Variants in PRKG1 observed in about 807,000 individuals in gnomAD.
The protein encoded by PRKG1 is protein kinase cGMP-dependent 1.
Under a neutral mutation model 88.1 loss-of-function variants are expected in PRKG1, and 35 were observed. The observed-to-expected ratio is 0.40, with a 90% CI of 0.30 to 0.53. The LOEUF is 0.53. Among genes scored for constraint, PRKG1 ranks in the 20% least tolerant of loss-of-function variants. PRKG1 has a pLI of 0.59. For missense variants in PRKG1, 540 were observed against 839.8 expected (o/e 0.64, Z 4.41); for synonymous variants, 303 against 292.5 (o/e 1.04, Z -0.37).
At chr10:51,621,912 C>T in intron 3 of PRKG1, among the ~76,000 whole-genome samples, 1 of 152,158 alleles carries the variant, frequency 6.6e-6, no homozygotes, top group East Asian at 1.9e-4. Flanking sequence ...TAAACTTGGA[C>T]TCTTGATTCG....
chr10:51,047,165 G>C (rs540120629), intron 1 of PRKG1, among the ~76,000 whole-genome samples: 80 of 152,236 alleles, frequency 5.3e-4, no homozygotes, highest in African/African-American at 1.8e-3. Context: ...CCAAAGGTGA[G>C]AGCCTCAAGG....
At chr10:51,011,932 T>C (rs1449729230) in intron 1 of PRKG1, among the ~76,000 whole-genome samples, 1 of 152,108 alleles carries the variant, frequency 6.6e-6, no homozygotes, top group Admixed American at 6.5e-5. Flanking sequence ...GTGGTGGAAG[T>C]TGAAAGGCAT....
chr10:52,043,438 C>T (rs1845793960), intron 5 of PRKG1, among the ~76,000 whole-genome samples: 1 of 152,056 alleles, frequency 6.6e-6, no homozygotes, highest in Admixed American at 6.6e-5. Context: ...ATCTGGAGGA[C>T]ATTAAGTGAA....
chr10:51,679,793 T>C (rs1840801192), intron 3 of PRKG1, among the ~76,000 whole-genome samples: 1 of 143,404 alleles, frequency 7.0e-6, no homozygotes, highest in African/African-American at 2.6e-5. Flanking sequence ...TACATATGTA[T>C]TCATGTGCCA....
At chr10:51,029,305 A>G (rs529351172) in intron 1 of PRKG1, among the ~76,000 whole-genome samples, 10 of 152,322 alleles carry the variant, frequency 6.6e-5, no homozygotes, top group African/African-American at 2.4e-4. Flanking sequence ...AAATGAAGTC[A>G]TTATAACCAA....
chr10:51,444,821 T>C (rs892364671), intron 2 of PRKG1, among the ~76,000 whole-genome samples: 1 of 151,960 alleles, frequency 6.6e-6, no homozygotes, highest in African/African-American at 2.4e-5. Flanking sequence ...TTTGCCTTTT[T>C]CCACCCCAAA....
intron 3 of PRKG1, among the ~76,000 whole-genome samples, chr10:51,670,200 T>A (rs1840522888): frequency 6.6e-6 from 1 of 152,046 alleles, no homozygotes; most frequent in Non-Finnish European, 1.5e-5. Flanking sequence ...ATTACTTGGT[T>A]GGCCTATATT....
At chr10:51,907,013 T>G (rs1214021771) in intron 4 of PRKG1, among the ~76,000 whole-genome samples, 2 of 152,308 alleles carry the variant, frequency 1.3e-5, no homozygotes, top group Admixed American at 1.3e-4. Flanking sequence ...TTTCTATTTC[T>G]ATTTGAATGT....
intron 1 of PRKG1, among the ~76,000 whole-genome samples, chr10:51,034,810 G>A: frequency 6.6e-6 from 1 of 150,592 alleles, no homozygotes; most frequent in Admixed American, 6.7e-5. Context: ...TTTAGAAAAA[G>A]TTAGAAAACA....
chr10:51,712,540 CTCTG>C (rs897912624), intron 3 of PRKG1, among the ~76,000 whole-genome samples: 6 of 147,704 alleles, frequency 4.1e-5, no homozygotes, highest in African/African-American at 1.5e-4. Context: ...CATTATACAA[CTCTG>C]TCTTTTTTAT....
intron 7 of PRKG1, among the ~76,000 whole-genome samples, chr10:52,070,991 CA>C (rs1466050071): frequency 6.6e-6 from 1 of 152,106 alleles, no homozygotes; most frequent in Admixed American, 6.5e-5. Context: ...GTGCTTGCCA[CA>C]TAGGGTCAAG....
At chr10:51,829,661 A>C (rs1839957411) in intron 4 of PRKG1, among the ~76,000 whole-genome samples, 1 of 152,166 alleles carries the variant, frequency 6.6e-6, no homozygotes, top group African/African-American at 2.4e-5. Flanking sequence ...TTATTTTCTA[A>C]ATACACGTGA....
chr10:51,568,741 G>A (rs1369147345), intron 3 of PRKG1: 2 of 140,966 alleles, frequency 1.4e-5, no homozygotes, highest in African/African-American at 3.1e-5. Context: ...AATTCTAAAA[G>A]CATCATTACA....
At chr10:51,387,367 T>TA (rs1837278570) in intron 2 of PRKG1, among the ~76,000 whole-genome samples, 1 of 149,488 alleles carries the variant, frequency 6.7e-6, no homozygotes, top group Non-Finnish European at 1.5e-5. Context: ...ATATATGAAA[T>TA]TTAAATAAAC....
At chr10:51,415,407 CTT>C (rs1260607965) in intron 2 of PRKG1, among the ~76,000 whole-genome samples, 2 of 152,072 alleles carry the variant, frequency 1.3e-5, no homozygotes, top group Non-Finnish European at 2.9e-5. Context: ...TATTTGGTAT[CTT>C]TGCTGTTTCT....
chr10:52,014,010 T>G (rs1038962715), intron 5 of PRKG1, among the ~76,000 whole-genome samples: 1 of 152,034 alleles, frequency 6.6e-6, no homozygotes, highest in Non-Finnish European at 1.5e-5. Flanking sequence ...CCCAATTTTC[T>G]AAGGAAGAGA....
intron 2 of PRKG1, among the ~76,000 whole-genome samples, chr10:51,340,943 T>C (rs950041445): frequency 6.6e-6 from 1 of 152,290 alleles, no homozygotes; most frequent in African/African-American, 2.4e-5. Flanking sequence ...TAGACCTACA[T>C]GCAGCTTGTT....
intron 3 of PRKG1, among the ~76,000 whole-genome samples, chr10:51,705,710 A>T (rs1231096962): frequency 1.3e-5 from 2 of 152,226 alleles, no homozygotes; most frequent in Non-Finnish European, 1.5e-5. Flanking sequence ...AGGCAGTCAT[A>T]GTTCCTCAAT....
At chr10:51,059,972 C>A (rs1219859531) in intron 1 of PRKG1, among the ~76,000 whole-genome samples, 1 of 151,862 alleles carries the variant, frequency 6.6e-6, no homozygotes, top group Non-Finnish European at 1.5e-5. Context: ...GAATTTTTAC[C>A]TTTGCCAATG....
Sources: gnomAD v4.1 joint callset for allele counts (sites outside exome capture counted in the v4.1 genomes callset) on GRCh38, gnomAD v4.1.1 for gene constraint, MANE v1.5 for transcripts, NCBI Gene and HGNC (gene_info 2026-07-23, HGNC 2026-07-21) for gene names.